Variants in PRKCH observed in about 807,000 individuals in gnomAD.
The protein encoded by PRKCH is protein kinase C eta, also known as protein kinase C eta type.
Under a neutral mutation model 82.5 loss-of-function variants are expected in PRKCH, and 28 were observed. The ratio of observed to expected loss-of-function variants is 0.34; its 90% CI spans 0.25 to 0.47. The LOEUF is 0.47. Ranked by LOEUF, PRKCH falls within the 20% of genes least tolerant of loss-of-function variation. PRKCH has a pLI of 1.00. For missense variants in PRKCH, 705 were observed against 881.8 expected, an observed-to-expected ratio of 0.80 and a Z score of 2.54; for synonymous variants, 322 against 327.4, an observed-to-expected ratio of 0.98 and a Z score of 0.18.
At chr14:61,212,504 G>T (rs2044590518) in intron 1 of PRKCH, among the ~76,000 whole-genome samples, 1 of 152,144 alleles carries the variant, frequency 6.6e-6, no homozygotes, top group Admixed American at 6.5e-5. Context: ...CCACTCAAAG[G>T]ATTTTCAAGA....
intron 10 of PRKCH, among the ~76,000 whole-genome samples, chr14:61,497,681 A>G (rs905641478): frequency 1.3e-5 from 2 of 152,170 alleles, no homozygotes; most frequent in Admixed American, 6.5e-5. Context: ...TGTTGATATT[A>G]TAGGCTGTGG....
intron 1 of PRKCH, among the ~76,000 whole-genome samples, chr14:61,226,054 T>C (rs1402860175): frequency 6.6e-6 from 1 of 152,182 alleles, no homozygotes; most frequent in Non-Finnish European, 1.5e-5. Context: ...AAATGAAAAT[T>C]CATTTTACCG....
intron 1 of PRKCH, among the ~76,000 whole-genome samples, chr14:61,247,490 C>G (rs188018331): frequency 5.5e-4 from 84 of 151,930 alleles, no homozygotes; most frequent in African/African-American, 1.9e-3. Context: ...AATCCCAGCA[C>G]CTTGGGAGGC....
At chr14:61,413,730 CT>C (rs148928166) in intron 2 of PRKCH, among the ~76,000 whole-genome samples, 2,828 of 152,180 alleles carry the variant, frequency 0.019, 90 homozygotes, top group African/African-American at 0.065. Context: ...AATTTGTCTC[CT>C]TTTTTTCATC....
chr14:61,249,079 G>A (rs117028927), intron 1 of PRKCH, among the ~76,000 whole-genome samples: 6,635 of 152,276 alleles, frequency 0.044, 222 homozygotes, highest in Middle Eastern at 0.088. Flanking sequence ...TGGGATTATA[G>A]GCATGAGCCA....
intron 5 of PRKCH, among the ~76,000 whole-genome samples, chr14:61,450,315 A>G (rs1006186063): frequency 3.3e-5 from 5 of 152,248 alleles, no homozygotes; most frequent in Non-Finnish European, 7.3e-5. Flanking sequence ...TGCAAATGCC[A>G]GGCAAAGAAA....
chr14:61,333,466 T>C (rs2045815164), intron 1 of PRKCH, among the ~76,000 whole-genome samples: 1 of 152,206 alleles, frequency 6.6e-6, no homozygotes, highest in Non-Finnish European at 1.5e-5. Flanking sequence ...CCTTTGTATT[T>C]GAGGACATTT....
rs184269703 is a variant in PRKCH at position 61,416,017 on chromosome 14, C to T, written c.427+24729C>T. 1.2e-3 allele frequency among the ~76,000 whole-genome samples: 183 copies of T among 151,270 alleles called. No individual in the cohort carries two copies. The Middle Eastern group carries it at 0.028, about 23-fold the overall frequency. On this transcript the variant is annotated intron_variant, in intron 2 of 13. Transcript: ENST00000332981. The stretch of plus-strand genomic sequence containing the variant: ...CCGTGTGGTAGCATGTGTCAAGATT[C>T]CCCTCCCTTGCCTCTTTTTTCTTTT...
At chr14:61,213,152 A>G (rs983087206) in intron 1 of PRKCH, among the ~76,000 whole-genome samples, 1 of 152,126 alleles carries the variant, frequency 6.6e-6, no homozygotes, top group African/African-American at 2.4e-5. Context: ...CTGTTAGTGA[A>G]TCATTAAGTT....
At chr14:61,549,581 A>G in intron 13 of PRKCH, 104 bp from the exon 14 acceptor site, 7 of 1,259,602 alleles carry the variant, frequency 5.6e-6, no homozygotes, top group Non-Finnish European at 7.8e-6. Context: ...TGAACAAGCT[A>G]CAGAGCACTC....
At chr14:61,260,938 C>T (rs181942463) in intron 1 of PRKCH, among the ~76,000 whole-genome samples, 133 of 152,316 alleles carry the variant, frequency 8.7e-4, no homozygotes, top group Non-Finnish European at 1.6e-3. Context: ...ATTTTAATCA[C>T]AAACCTTGAG....
At chr14:61,513,806 T>C (rs2249032) in intron 10 of PRKCH, among the ~76,000 whole-genome samples, 127,184 of 152,034 alleles carry the variant, frequency 0.84, 53,995 homozygotes, top group East Asian at 0.95. Context: ...AGTTTGCAGA[T>C]GAGCGGCAGT....
chr14:61,450,681 C>T (rs368522283), intron 5 of PRKCH, among the ~76,000 whole-genome samples, 161 bp from the exon 6 acceptor site: 32 of 152,246 alleles, frequency 2.1e-4, no homozygotes, highest in South Asian at 8.3e-4. Flanking sequence ...TAGTCTGGTT[C>T]GTAAGACCTG....
chr14:61,463,337 G>T (rs2140302510), intron 9 of PRKCH: 2 of 152,314 alleles, frequency 1.3e-5, no homozygotes, highest in Non-Finnish European at 2.9e-5. Flanking sequence ...CACCCACATG[G>T]AGGGGACAGC....
intron 1 of PRKCH, among the ~76,000 whole-genome samples, chr14:61,245,617 T>TAGGCAATTTAGCGCTGATGAGAATC (rs1566792927): frequency 7.9e-5 from 12 of 152,146 alleles, no homozygotes; most frequent in African/African-American, 2.9e-4. Context: ...TGATGAGAAT[T>TAGGCAATTTAGCGCTGATGAGAATC]AAGTAGGCAT....
rs115225304 is a variant in PRKCH, at chr14:61,547,080, G to T, written c.1762-663G>T. Among the ~76,000 whole-genome samples, 548 of 152,282 alleles carry T rather than the reference G, an allele frequency of 3.6e-3. 5 individuals are homozygous for T. Among genetic ancestry groups the T allele is most frequent in the African/African-American group, 0.013 (527 of 41,550 alleles). On this transcript the variant is annotated intron_variant, in intron 12 of 13. Transcript: ENST00000332981. Reference sequence around the variant, plus strand: ...TTAGTTTTTGGTCTATGGAGCAATGGAATCTCAGTCATTGAACCTACTTCG... The same window carrying T: ...TTAGTTTTTGGTCTATGGAGCAATGTAATCTCAGTCATTGAACCTACTTCG...
At chr14:61,268,816 G>A (rs1413748725) in intron 1 of PRKCH, among the ~76,000 whole-genome samples, 1 of 152,086 alleles carries the variant, frequency 6.6e-6, no homozygotes, top group South Asian at 2.1e-4. Flanking sequence ...AATGCTAACT[G>A]GGCATACTTA....
intron 1 of PRKCH, among the ~76,000 whole-genome samples, chr14:61,389,848 A>AG (rs35451600): frequency 6.6e-6 from 1 of 151,994 alleles, no homozygotes; most frequent in Non-Finnish European, 1.5e-5. Context: ...CTGGTCTAGT[A>AG]GGGGGGCTCT....
At chr14:61,251,484 T>G (rs1374181088) in intron 1 of PRKCH, among the ~76,000 whole-genome samples, 1 of 152,212 alleles carries the variant, frequency 6.6e-6, no homozygotes, top group Non-Finnish European at 1.5e-5. Context: ...TTATTTCACT[T>G]AACAAAATGA....
Sources: gnomAD v4.1 joint callset for allele counts (sites outside exome capture counted in the v4.1 genomes callset) on GRCh38, gnomAD v4.1.1 for gene constraint, MANE v1.5 for transcripts, NCBI Gene and HGNC (gene_info 2026-07-23, HGNC 2026-07-21) for gene names.